Variants in PTPRN2 observed in about 807,000 individuals in gnomAD.
PTPRN2 encodes receptor-type tyrosine-protein phosphatase N2.
Under a neutral mutation model 118.8 loss-of-function variants are expected in PTPRN2, and 74 were observed. The observed-to-expected ratio is 0.62, with a 90% CI of 0.52 to 0.76. PTPRN2 has a LOEUF of 0.76. PTPRN2 is among the 30% of genes least tolerant of loss of function. PTPRN2 has a pLI of 0.00. For synonymous variants in PTPRN2, 641 were observed against 608.0 expected, an observed-to-expected ratio of 1.05 and a Z score of -0.80; for missense variants, 1,481 against 1,394.4, an observed-to-expected ratio of 1.06 and a Z score of -0.99.
intron 12 of PTPRN2, among the ~76,000 whole-genome samples, chr7:157,850,798 G>A (rs773870356): frequency 6.6e-5 from 10 of 152,190 alleles, no homozygotes; most frequent in Non-Finnish European, 1.2e-4. Context: ...TAGAGTTGAC[G>A]GGAGAAACCA....
At chr7:158,389,009 A>G (rs1238857500) in intron 2 of PTPRN2, among the ~76,000 whole-genome samples, 1 of 152,228 alleles carries the variant, frequency 6.6e-6, no homozygotes, top group Non-Finnish European at 1.5e-5. Context: ...ATTAGAACCT[A>G]CAACCATGGA....
rs1356410261 is a variant in PTPRN2, at chr7:157,813,414, C to A, written c.1788+85259G>T. On this transcript the variant is annotated intron_variant, in intron 12 of 22. Transcript: ENST00000389418. This position sits in a 1 kb window ranked among gnomAD's most constrained non-coding sequence, Gnocchi z 4.7. ...CCAGAGTCAGAGGCGGACAGGGGTT[C>A]GATACGCCATTCAGGTCCCCAAAAC... Among the ~76,000 whole-genome samples, 2 of 151,966 alleles carry A rather than the reference C, an allele frequency of 1.3e-5. No individual in the cohort carries two copies. Among genetic ancestry groups the A allele is most frequent in the African/African-American group, 4.8e-5 (2 of 41,318 alleles).
rs1307982284 is a variant in PTPRN2 at position 157,779,667 on chromosome 7, G to A, written c.1789-96730C>T. On this transcript the variant is annotated intron_variant, in intron 12 of 22. Transcript: ENST00000389418. The surrounding 1 kb of genome is among the most constrained non-coding windows in gnomAD (Gnocchi z 4.7). ...AAGGCTGACCCTAGACTCTGGCCAG[G>A]ACGAGCTGGGGTGAGGGGCCCCGGC... 6.6e-6 allele frequency among the ~76,000 whole-genome samples: 1 copy of A among 152,184 alleles called. No individual in the cohort carries two copies. Among genetic ancestry groups the A allele is most frequent in the Non-Finnish European group, 1.5e-5 (1 of 68,034 alleles).
rs146513233 is a variant in PTPRN2, at chr7:158,004,715, C to T, written c.1723+76583G>A. Among the ~76,000 whole-genome samples the T allele has an allele frequency of 2.7e-3, 414 of 152,262 alleles. 1 individual carries two copies. Among genetic ancestry groups the T allele is most frequent in the African/African-American group, 9.5e-3 (393 of 41,556 alleles). ...AAAATTCATGACAGTATTTGATTCC[C>T]AGAGGTTTTACAAACCATCTCCTTC... On this transcript the variant is annotated intron_variant, in intron 11 of 22. Transcript: ENST00000389418.
At position 157,682,751 on chromosome 7, in the gene PTPRN2, C is replaced by G. The variant is rs1390878304; in HGVS notation, c.1975G>C (p.Gly659Arg). Residue 659 changes from glycine (G) to arginine (R), a missense_variant, in exon 13 of 23, where the codon GGT becomes CGT. Physicochemically the swap from Gly to Arg is moderately radical, Grantham distance 125. Transcript: ENST00000389418. ...TGGTAGGCGGCAGTGGCATCTGCACCTGGGTCGCCCCCTAGTCCCGAGAGC... is the reference window on the plus strand; with the variant it reads ...TGGTAGGCGGCAGTGGCATCTGCACGTGGGTCGCCCCCTAGTCCCGAGAGC... Reference protein sequence around the residue: ...EKLSGLGGDPGADATAAYQEL... With the variant: ...EKLSGLGGDPRADATAAYQEL... 3.7e-6 allele frequency: 6 copies of G among 1,613,958 alleles called. No individual in the cohort carries two copies. The highest frequency in any genetic ancestry group is 4.2e-6 in the Non-Finnish European group (5 of 1,180,024).
At chr7:157,919,936 C>A (rs1798608366) in intron 11 of PTPRN2, among the ~76,000 whole-genome samples, 1 of 152,190 alleles carries the variant, frequency 6.6e-6, no homozygotes, top group Admixed American at 6.5e-5. Flanking sequence ...AAATGATACA[C>A]AAATGCCTAC....
At chr7:158,495,769 G>A (rs951084880) in intron 1 of PTPRN2, among the ~76,000 whole-genome samples, 2 of 152,168 alleles carry the variant, frequency 1.3e-5, no homozygotes, top group African/African-American at 4.8e-5. Context: ...CCGGAGGCGG[G>A]GCTGCCTCTG....
At chr7:158,373,843 C>T (rs1810288935) in intron 2 of PTPRN2, among the ~76,000 whole-genome samples, 1 of 152,198 alleles carries the variant, frequency 6.6e-6, no homozygotes, top group South Asian at 2.1e-4. Context: ...TGGGCGCCCT[C>T]TCTGGATGGG....
At position 158,570,993 on chromosome 7, in the gene PTPRN2, C is replaced by G. The variant is rs1827998134; in HGVS notation, c.112+16565G>C. On this transcript the variant is annotated intron_variant, in intron 1 of 22. Coordinates refer to ENST00000389418, the MANE Select transcript of PTPRN2 (RefSeq NM_002847.5). This position sits in a 1 kb window ranked among gnomAD's most constrained non-coding sequence, Gnocchi z 4.5. ...GCAGGAGCCTTCCCAGCAGCCGCCGCCATGGCTGACGCACTGGCAGGAGCC... is the reference window on the plus strand; with the variant it reads ...GCAGGAGCCTTCCCAGCAGCCGCCGGCATGGCTGACGCACTGGCAGGAGCC... Among the ~76,000 whole-genome samples, 1 of 152,194 alleles carries G rather than the reference C, an allele frequency of 6.6e-6. No homozygotes were observed. Among genetic ancestry groups the G allele is most frequent in the Admixed American group, 6.5e-5 (1 of 15,286 alleles).
intron 5 of PTPRN2, among the ~76,000 whole-genome samples, chr7:158,173,173 T>G (rs1335334981): frequency 6.7e-6 from 1 of 150,272 alleles, no homozygotes; most frequent in Non-Finnish European, 1.5e-5. Context: ...CACACCATCA[T>G]CACCCTCACC....
rs530377256 is a variant in PTPRN2, at chr7:158,132,605, G to A, written c.1556+1072C>T. Among the ~76,000 whole-genome samples the A allele has an allele frequency of 9.4e-3, 190 of 20,184 alleles. 1 individual carries two copies. Among genetic ancestry groups the A allele is most frequent in the African/African-American group, 0.057 (165 of 2,878 alleles). 13.2% of individuals were successfully genotyped at this position (20,184 alleles called of 152,430 possible). Reference sequence around the variant, plus strand: ...GACACATGCATATGCACAGATACATGTCTACCCAACATACACACTCATATA... The same window carrying A: ...GACACATGCATATGCACAGATACATATCTACCCAACATACACACTCATATA... On this transcript the variant is annotated intron_variant, in intron 9 of 22. Coordinates refer to ENST00000389418, the MANE Select transcript of PTPRN2 (RefSeq NM_002847.5).
At chr7:157,561,916 T>A (rs1043672380) in intron 21 of PTPRN2, among the ~76,000 whole-genome samples, 4 of 152,230 alleles carry the variant, frequency 2.6e-5, no homozygotes, top group African/African-American at 9.6e-5. Context: ...GGATCCAGCA[T>A]GCAGTGGACG....
At chr7:158,119,661 A>G (rs970094453) in intron 9 of PTPRN2, among the ~76,000 whole-genome samples, 102 of 152,224 alleles carry the variant, frequency 6.7e-4, no homozygotes, top group Middle Eastern at 3.4e-3. Flanking sequence ...CTTCTATTAC[A>G]GTAAATTGTT....
intron 2 of PTPRN2, among the ~76,000 whole-genome samples, chr7:158,475,895 C>A (rs1478149428): frequency 6.6e-6 from 1 of 152,200 alleles, no homozygotes; most frequent in African/African-American, 2.4e-5. Context: ...ACACAAAACC[C>A]AGAGTTCTTT....
intron 12 of PTPRN2, among the ~76,000 whole-genome samples, chr7:157,844,037 G>A (rs1457606926): frequency 6.6e-6 from 1 of 152,030 alleles, no homozygotes; most frequent in East Asian, 1.9e-4. Flanking sequence ...GGCGGCGCAG[G>A]CCCCTCCACG....
At chr7:158,579,278 C>T (rs550859130) in intron 1 of PTPRN2, among the ~76,000 whole-genome samples, 2 of 152,328 alleles carry the variant, frequency 1.3e-5, no homozygotes, top group Non-Finnish European at 2.9e-5. Context: ...TCTCTATTGT[C>T]AGTTCATCTG....
At chr7:157,897,381 G>A (rs1057233197) in intron 12 of PTPRN2, among the ~76,000 whole-genome samples, 2 of 152,058 alleles carry the variant, frequency 1.3e-5, no homozygotes, top group South Asian at 2.1e-4. Context: ...GGTGGCTCTC[G>A]GCAGCCCCCA....
At chr7:158,268,921 C>T (rs377562234) in intron 3 of PTPRN2, among the ~76,000 whole-genome samples, 6 of 151,636 alleles carry the variant, frequency 4.0e-5, no homozygotes, top group South Asian at 4.2e-4. Flanking sequence ...ATATCCCAGC[C>T]GCGTGCACAC....
chr7:158,233,488 T>C (rs1323117614), intron 3 of PTPRN2, among the ~76,000 whole-genome samples: 7 of 152,198 alleles, frequency 4.6e-5, no homozygotes, highest in Non-Finnish European at 7.3e-5. Flanking sequence ...ATGTCGATAC[T>C]ACCCAAAGCA....
Sources: allele counts gnomAD v4.1 joint callset (sites outside exome capture counted in the v4.1 genomes callset), GRCh38; gene constraint gnomAD v4.1.1; non-coding constraint Gnocchi (gnomAD v3.1); transcripts MANE v1.5; gene names NCBI Gene and HGNC (gene_info 2026-07-23, HGNC 2026-07-21).